NAALADL2: variants seen among roughly 807,000 people sequenced by gnomAD.
NAALADL2 encodes N-acetylated alpha-linked acidic dipeptidase like 2, also known as inactive N-acetylated-alpha-linked acidic dipeptidase-like protein 2.
A neutral mutation model predicts 87.2 loss-of-function variants in NAALADL2; 76 were observed. The observed-to-expected ratio is 0.87, with a 90% CI of 0.72 to 1.05. The LOEUF (loss-of-function observed/expected upper bound fraction) is 1.05. Ranked by LOEUF, NAALADL2 falls within the 50% of genes least tolerant of loss-of-function variation. The pLI, the probability that NAALADL2 is intolerant of heterozygous loss-of-function variation, is 0.00. For synonymous variants in NAALADL2, 354 were observed against 331.0 expected, an observed-to-expected ratio of 1.07 and a Z score of -0.75; for missense variants, 1,089 against 945.8, an observed-to-expected ratio of 1.15 and a Z score of -1.99.
chr3:175,375,414 T>C (rs1239792420), intron 5 of NAALADL2, among the ~76,000 whole-genome samples: 1 of 152,172 alleles, frequency 6.6e-6, no homozygotes, highest in African/African-American at 2.4e-5. Context: ...TCTGCCAACT[T>C]ATCAACCTGA....
At position 175,588,535 on chromosome 3, in the gene NAALADL2, T is replaced by C. The variant is rs1483153567; in HGVS notation, c.1800+12348T>C. On this transcript the variant is annotated intron_variant, in intron 10 of 13. Transcript: ENST00000454872. ...TAGGAGACTTTCTTTCTTTCTTTTC[T>C]TTTTTTTTTTTTTTTTTTTTTGAGA... Among the ~76,000 whole-genome samples the C allele has an allele frequency of 2.2e-4, 9 of 40,158 alleles. No individual in the cohort carries two copies. The Admixed American group carries it at 2.3e-3, about 10-fold the overall frequency. 26.3% of individuals were successfully genotyped at this position (40,158 alleles called of 152,430 possible).
At position 174,679,858 on chromosome 3, in the gene NAALADL2, A is replaced by G. The variant is rs149699218; in HGVS notation, c.-114-57783A>G. The stretch of plus-strand genomic sequence containing the variant: ...TTAGAAATTTCTTTAGGGAGAAGAT[A>G]TAATCTCTTAGTACCTCTTTGTTGT... On this transcript the variant is annotated intron_variant, in intron 2 of 3. Transcript: ENST00000434257. 3.7e-3 allele frequency among the ~76,000 whole-genome samples: 560 copies of G among 152,318 alleles called. 1 individual carries two copies. Among genetic ancestry groups the G allele is most frequent in the African/African-American group, 0.013 (543 of 41,578 alleles).
chr3:174,983,254 A>G (rs1745370932), intron 1 of NAALADL2, among the ~76,000 whole-genome samples: 1 of 152,166 alleles, frequency 6.6e-6, no homozygotes, highest in Non-Finnish European at 1.5e-5. Context: ...AATACAAGGC[A>G]CTGCAGGGTA....
At chr3:174,893,319 C>A (rs539889162) in intron 1 of NAALADL2, among the ~76,000 whole-genome samples, 1 of 150,348 alleles carries the variant, frequency 6.7e-6, no homozygotes, top group Non-Finnish European at 1.5e-5. Context: ...AACCCCCCCC[C>A]GCAAAAAGTT....
At chr3:174,555,592 G>A (rs1195854883) in intron 2 of NAALADL2, among the ~76,000 whole-genome samples, 1 of 152,160 alleles carries the variant, frequency 6.6e-6, no homozygotes, top group Non-Finnish European at 1.5e-5. Context: ...GAGCCTCCGC[G>A]CCTGGCCAAA....
intron 1 of NAALADL2, among the ~76,000 whole-genome samples, chr3:174,954,155 G>A (rs1740832490): frequency 6.6e-6 from 1 of 151,948 alleles, no homozygotes; most frequent in African/African-American, 2.4e-5. Context: ...GCCCTAATCA[G>A]GCAACTTGAA....
intron 5 of NAALADL2, among the ~76,000 whole-genome samples, chr3:175,441,859 T>C (rs1359657380): frequency 6.6e-6 from 1 of 152,180 alleles, no homozygotes; most frequent in Non-Finnish European, 1.5e-5. Context: ...CATCTCAGCA[T>C]GTGAGATTTC....
chr3:175,218,167 A>G (rs1742837521), intron 2 of NAALADL2: 1 of 421,928 alleles, frequency 2.4e-6, no homozygotes, highest in Non-Finnish European at 4.7e-6. Context: ...TAAGAAGCAC[A>G]ATAATCTTAT....
At chr3:174,889,642 A>C (rs2109781829) in intron 1 of NAALADL2, among the ~76,000 whole-genome samples, 1 of 116,176 alleles carries the variant, frequency 8.6e-6, no homozygotes, top group South Asian at 2.4e-4. Context: ...CCAAGCACTA[A>C]AAAAAAAAAT....
At chr3:175,647,385 A>T (rs987205612) in intron 11 of NAALADL2, among the ~76,000 whole-genome samples, 1 of 152,166 alleles carries the variant, frequency 6.6e-6, no homozygotes, top group Admixed American at 6.5e-5. Context: ...ACAGAAATGT[A>T]TATTGATTTA....
chr3:175,716,454 C>T (rs189722949), intron 11 of NAALADL2, among the ~76,000 whole-genome samples: 37 of 151,348 alleles, frequency 2.4e-4, no homozygotes, highest in African/African-American at 9.0e-4. Flanking sequence ...TGGGGGAAGT[C>T]GAGAGAAATT....
chr3:174,914,706 T>C (rs907168447), intron 1 of NAALADL2, among the ~76,000 whole-genome samples: 1 of 152,176 alleles, frequency 6.6e-6, no homozygotes, highest in Non-Finnish European at 1.5e-5. Flanking sequence ...TAATTCATTA[T>C]AATAAACCTC....
At chr3:175,801,708 T>TTTAAG (rs1267737987) in intron 13 of NAALADL2, among the ~76,000 whole-genome samples, 1 of 152,106 alleles carries the variant, frequency 6.6e-6, no homozygotes, top group Non-Finnish European at 1.5e-5. Flanking sequence ...GAAAAATGTA[T>TTTAAG]TTAAGTTATT....
chr3:175,404,499 C>T (rs77866769), intron 5 of NAALADL2, among the ~76,000 whole-genome samples: 4,147 of 152,184 alleles, frequency 0.027, 188 homozygotes, highest in African/African-American at 0.093. Context: ...CAAACAAGAA[C>T]ATACATATCC....
At chr3:175,338,196 G>A (rs923331324) in intron 5 of NAALADL2, among the ~76,000 whole-genome samples, 6 of 152,088 alleles carry the variant, frequency 3.9e-5, no homozygotes, top group Non-Finnish European at 5.9e-5. Flanking sequence ...GAGAGAGCTG[G>A]GAGTGAAATC....
At chr3:174,752,345 T>C (rs1341096342) in intron 3 of NAALADL2, among the ~76,000 whole-genome samples, 2 of 152,190 alleles carry the variant, frequency 1.3e-5, no homozygotes, top group East Asian at 1.9e-4. Context: ...CATTTATTAA[T>C]TGACAATTTT....
chr3:174,751,587 CG>C (rs1734821115), intron 3 of NAALADL2, among the ~76,000 whole-genome samples: 1 of 147,906 alleles, frequency 6.8e-6, no homozygotes, highest in Non-Finnish European at 1.5e-5. Flanking sequence ...TGCTTGAGCC[CG>C]GGAGACTGAG....
rs978948894 is a variant in NAALADL2, at chr3:175,755,137, T to C, written c.1991-83T>C. On this transcript the variant is annotated intron_variant, in intron 12 of 13. Transcript: ENST00000454872. ...CTTCTTCAGTGGTCTGTCTGGCTTA[T>C]AACTTAGATTCCTGATTGGAAAATG... The C allele has an allele frequency of 1.8e-5, 21 of 1,161,894 alleles. No individual in the cohort carries two copies. In the African/African-American group the frequency reaches 2.9e-4, roughly 16 times the overall value. The allele number at this position is 1,161,894 out of a possible 1,614,324, so 72.0% of individuals were successfully genotyped here.
intron 5 of NAALADL2, among the ~76,000 whole-genome samples, chr3:175,344,433 T>G (rs6806578): frequency 0.4 from 60,955 of 150,880 alleles, 13,353 homozygotes; most frequent in East Asian, 0.66. Flanking sequence ...GCTGATCAAG[T>G]ATGCCTAGTG....
Sources: allele counts gnomAD v4.1 joint callset (sites outside exome capture counted in the v4.1 genomes callset), GRCh38; gene constraint gnomAD v4.1.1; transcripts MANE v1.5; gene names NCBI Gene and HGNC (gene_info 2026-07-23, HGNC 2026-07-21).